Variants in ANGPT1 observed in about 807,000 individuals in gnomAD.
ANGPT1 encodes the protein angiopoietin 1.
A neutral mutation model predicts 62.2 loss-of-function variants in ANGPT1; 17 were observed. That is an observed-to-expected ratio of 0.27 (90% CI 0.19 to 0.41). The LOEUF (loss-of-function observed/expected upper bound fraction) is 0.41. Ranked by LOEUF, ANGPT1 falls within the 10% of genes least tolerant of loss-of-function variation. The pLI, the probability that ANGPT1 is intolerant of heterozygous loss-of-function variation, is 1.00. For synonymous variants in ANGPT1, 199 were observed against 198.9 expected (o/e 1.00, Z 0.00); for missense variants, 478 against 594.9 (o/e 0.80, Z 2.04).
chr8:107,422,291 G>C (rs888877635), intron 1 of ANGPT1, among the ~76,000 whole-genome samples: 1 of 152,028 alleles, frequency 6.6e-6, no homozygotes, highest in African/African-American at 2.4e-5. Flanking sequence ...GAGGTATCAC[G>C]GTTCTGATGA....
intron 5 of ANGPT1, among the ~76,000 whole-genome samples, chr8:107,302,662 GATA>G (rs1172804385): frequency 6.6e-6 from 1 of 151,938 alleles, no homozygotes; most frequent in Non-Finnish European, 1.5e-5. Flanking sequence ...ACAGCAGGAA[GATA>G]ATGTTTGCTT....
intron 1 of ANGPT1, among the ~76,000 whole-genome samples, chr8:107,394,755 G>T (rs1816902342): frequency 6.6e-6 from 1 of 152,016 alleles, no homozygotes; most frequent in Non-Finnish European, 1.5e-5. Context: ...ATTTTGTTAA[G>T]ATTTCCTTTC....
intron 1 of ANGPT1, among the ~76,000 whole-genome samples, chr8:107,431,263 A>T (rs1811180186): frequency 6.6e-6 from 1 of 152,196 alleles, no homozygotes; most frequent in African/African-American, 2.4e-5. Context: ...AAAAAAATTG[A>T]CTGTGTCTAA....
chr8:107,294,249 A>G (rs1814356017), intron 5 of ANGPT1: 1 of 401,020 alleles, frequency 2.5e-6, no homozygotes. Flanking sequence ...ATCAATGATG[A>G]ATAAATTACA....
chr8:107,315,040 T>A (rs1216588830), intron 4 of ANGPT1, among the ~76,000 whole-genome samples: 1 of 152,142 alleles, frequency 6.6e-6, no homozygotes, highest in African/African-American at 2.4e-5. Context: ...TCAAGCCAAA[T>A]GACTCCTCAG....
At chr8:107,346,495 C>G (rs1430491875) in intron 2 of ANGPT1, among the ~76,000 whole-genome samples, 1 of 152,112 alleles carries the variant, frequency 6.6e-6, no homozygotes. Context: ...CACACATATT[C>G]CTCATAACTT....
intron 1 of ANGPT1, among the ~76,000 whole-genome samples, chr8:107,481,491 A>T (rs1812682236): frequency 7.6e-6 from 1 of 130,940 alleles, no homozygotes; most frequent in South Asian, 2.5e-4. Flanking sequence ...CCAAGATTAC[A>T]CCACTACACT....
intron 1 of ANGPT1, among the ~76,000 whole-genome samples, chr8:107,454,220 T>TTAA (rs1173733032): frequency 6.6e-6 from 1 of 152,102 alleles, no homozygotes; most frequent in Non-Finnish European, 1.5e-5. Flanking sequence ...GCTTTGTTTT[T>TTAA]TAATAGATGT....
chr8:107,286,607 C>A (rs1814147101), intron 6 of ANGPT1, among the ~76,000 whole-genome samples: 1 of 151,994 alleles, frequency 6.6e-6, no homozygotes, highest in Non-Finnish European at 1.5e-5. Flanking sequence ...TTAAAATTAA[C>A]ATATGTGTAC....
intron 1 of ANGPT1, among the ~76,000 whole-genome samples, chr8:107,381,676 A>T (rs975577305): frequency 6.6e-6 from 1 of 152,212 alleles, no homozygotes; most frequent in African/African-American, 2.4e-5. Flanking sequence ...AATCCCTGCT[A>T]GCAAGATTGA....
intron 1 of ANGPT1, among the ~76,000 whole-genome samples, chr8:107,348,471 A>G (rs1375869724): frequency 1.3e-5 from 2 of 152,204 alleles, no homozygotes; most frequent in Non-Finnish European, 2.9e-5. Flanking sequence ...ATACATTCTA[A>G]ATTCATTCTT....
In ANGPT1 at chr8:107,347,009, T is replaced by C. The variant is rs1490691936; in HGVS notation, c.386A>G (p.Glu129Gly). 2 of 1,613,954 alleles carry C rather than the reference T, an allele frequency of 1.2e-6. No individual in the cohort carries two copies. The highest frequency in any genetic ancestry group is 1.7e-6 in the Non-Finnish European group (2 of 1,179,904). Residue 129 changes from glutamate (E) to glycine (G), a missense_variant, in exon 2 of 9, where the codon GAG (glutamate) becomes GGG (glycine). Physicochemically the swap from Glu to Gly is moderately conservative, Grantham distance 98 (BLOSUM62 -2). Around this residue, in one of 4 missense-constraint regions of ANGPT1, gnomAD observed 343 missense variants for 355.4 expected, o/e 0.97. Transcript: ENST00000517746. ...AVQNHTATMLEIGTSLLSQTA... is the reference protein window; with the variant it reads ...AVQNHTATMLGIGTSLLSQTA... ...CTGAGAGAGGAGGCTGGTTCCTATC[T>C]CCAGCATGGTAGCCGTGTGGTTCTG... is the stretch of plus-strand genomic sequence containing the variant.
intron 1 of ANGPT1, among the ~76,000 whole-genome samples, chr8:107,437,702 A>T (rs1811367352): frequency 6.6e-6 from 1 of 152,174 alleles, no homozygotes; most frequent in South Asian, 2.1e-4. Flanking sequence ...CTTTGTGAGC[A>T]CTTTCAGTTG....
intron 1 of ANGPT1, among the ~76,000 whole-genome samples, chr8:107,437,703 C>T (rs1182566793): frequency 2.6e-5 from 4 of 152,056 alleles, no homozygotes; most frequent in Admixed American, 2.6e-4. Context: ...TTTGTGAGCA[C>T]TTTCAGTTGA....
At chr8:107,448,358 G>A (rs1464617425) in intron 1 of ANGPT1, among the ~76,000 whole-genome samples, 1 of 152,086 alleles carries the variant, frequency 6.6e-6, no homozygotes, top group Non-Finnish European at 1.5e-5. Flanking sequence ...TATATTGACA[G>A]AACAAATTAA....
intron 8 of ANGPT1, among the ~76,000 whole-genome samples, chr8:107,253,356 C>G (rs1180864264): frequency 1.3e-5 from 2 of 152,136 alleles, no homozygotes; most frequent in African/African-American, 2.4e-5. Flanking sequence ...AATTTTTGAT[C>G]AGTACAGCTG....
At chr8:107,356,569 A>C (rs1330553484) in intron 1 of ANGPT1, among the ~76,000 whole-genome samples, 2 of 152,194 alleles carry the variant, frequency 1.3e-5, no homozygotes, top group African/African-American at 4.8e-5. Context: ...AAATAGCCTT[A>C]TGGCAATGAC....
At chr8:107,321,657 G>T (rs1815152126) in intron 4 of ANGPT1, among the ~76,000 whole-genome samples, 1 of 152,022 alleles carries the variant, frequency 6.6e-6, no homozygotes, top group Non-Finnish European at 1.5e-5. Context: ...AAAGAAAGAA[G>T]AAATTAGAAA....
Position 107,370,376 on chromosome 8 carries a change from G to GAAAA in ANGPT1, c.298-23280_298-23279insTTTT, listed in dbSNP as rs1200807725. 4.2e-3 allele frequency among the ~76,000 whole-genome samples: 189 copies of GAAAA among 45,162 alleles called. 20 individuals are homozygous for GAAAA. Among genetic ancestry groups the GAAAA allele is most frequent in the Non-Finnish European group, 5.2e-3 (82 of 15,912 alleles). 29.6% of individuals were successfully genotyped at this position (45,162 alleles called of 152,430 possible). ...AGAAAGAAAGAAAGAAAGAAAGAAA[G>GAAAA]AAAGAAAGAAAGAAAGAAAGAAAGA... On this transcript the variant is annotated intron_variant, in intron 1 of 8. Transcript: ENST00000517746.
Sources: allele counts gnomAD v4.1 joint callset (sites outside exome capture counted in the v4.1 genomes callset), GRCh38; gene constraint gnomAD v4.1.1; regional missense constraint gnomAD v4.1.1; transcripts MANE v1.5; gene names NCBI Gene and HGNC (gene_info 2026-07-23, HGNC 2026-07-21).